The following STK39 variants were observed in gnomAD, a reference collection of about 807,000 sequenced individuals.
STK39 encodes STE20/SPS1-related proline-alanine-rich protein kinase.
In STK39, 20 loss-of-function variants were observed where a neutral mutation model predicts 77.8. The ratio of observed to expected loss-of-function variants is 0.26; its 90% CI spans 0.18 to 0.37. The LOEUF is 0.37. Among genes scored for constraint, STK39 ranks in the 10% least tolerant of loss-of-function variants. STK39 has a pLI of 1.00. For missense variants in STK39, 479 were observed against 656.5 expected (o/e 0.73, Z 2.95); for synonymous variants, 246 against 234.1 (o/e 1.05, Z -0.47).
intron 14 of STK39, among the ~76,000 whole-genome samples, chr2:168,021,743 T>C (rs1044880500): frequency 2.6e-5 from 4 of 152,024 alleles, no homozygotes; most frequent in African/African-American, 9.7e-5. Context: ...TTATAGCTCA[T>C]TGCACTGAAA....
intron 14 of STK39, among the ~76,000 whole-genome samples, chr2:168,037,079 TAA>T (rs759975199): frequency 6.6e-5 from 10 of 152,280 alleles, no homozygotes; most frequent in Middle Eastern, 3.4e-3. Context: ...TCTTTTAGAG[TAA>T]AAATAGAAAA....
At chr2:168,242,546 C>CAAAAAAAAAA (rs1186813675) in intron 1 of STK39, among the ~76,000 whole-genome samples, 2 of 17,542 alleles carry the variant, frequency 1.1e-4, no homozygotes, top group African/African-American at 3.9e-4. Context: ...AAGACTCTTA[C>CAAAAAAAAAA]AAAAAAAAAA....
intron 8 of STK39, among the ~76,000 whole-genome samples, chr2:168,133,350 A>G (rs1687749332): frequency 6.6e-6 from 1 of 152,260 alleles, no homozygotes; most frequent in African/African-American, 2.4e-5. Flanking sequence ...ACAATAAGGT[A>G]ACAAAATAGA....
intron 10 of STK39, among the ~76,000 whole-genome samples, chr2:168,121,131 C>T (rs1273541124): frequency 2.0e-5 from 3 of 152,190 alleles, no homozygotes; most frequent in East Asian, 1.9e-4. Context: ...CTGTCCTCTC[C>T]GTTCTCTTCT....
chr2:168,246,418 A>T (rs1008777756), intron 1 of STK39, among the ~76,000 whole-genome samples: 1 of 152,264 alleles, frequency 6.6e-6, no homozygotes, highest in Non-Finnish European at 1.5e-5. Flanking sequence ...CCAGAAGGCA[A>T]CGAAAGGCAG....
chr2:168,037,243 T>C (rs551807959), intron 14 of STK39, among the ~76,000 whole-genome samples: 1 of 152,352 alleles, frequency 6.6e-6, no homozygotes, highest in South Asian at 2.1e-4. Context: ...ATTCAATCAC[T>C]ACTTTCTAAT....
intron 1 of STK39, among the ~76,000 whole-genome samples, chr2:168,211,534 T>A (rs1689890750): frequency 6.6e-6 from 1 of 152,304 alleles, no homozygotes; most frequent in East Asian, 1.9e-4. Flanking sequence ...TCTAAACCAG[T>A]GAGTTCTGGG....
intron 14 of STK39, among the ~76,000 whole-genome samples, chr2:168,055,126 C>T: frequency 6.6e-6 from 1 of 152,186 alleles, no homozygotes; most frequent in East Asian, 1.9e-4. Flanking sequence ...TAACTGAACA[C>T]TATGCCTACA....
At chr2:167,978,373 C>T (rs1683335164) in intron 16 of STK39, among the ~76,000 whole-genome samples, 1 of 152,068 alleles carries the variant, frequency 6.6e-6, no homozygotes, top group East Asian at 1.9e-4. Context: ...AGGTTAATGG[C>T]CTACTCCCAG....
chr2:167,974,379 C>A lies in STK39; in HGVS notation c.1499-9653G>T, dbSNP rs141936576. On this transcript the variant is annotated intron_variant, in intron 16 of 17. Coordinates refer to ENST00000355999, the MANE Select transcript of STK39 (RefSeq NM_013233.3). ...TGAGCTTCAAAACGGTCTTTTCTGA[C>A]CTCTAACTTTGAGATGCTACAGAGG... is the stretch of plus-strand genomic sequence containing the variant. Among the ~76,000 whole-genome samples, 1,318 of 152,106 alleles carry A rather than the reference C, an allele frequency of 8.7e-3. 18 individuals carry two copies. Among genetic ancestry groups the A allele is most frequent in the African/African-American group, 0.03 (1,255 of 41,500 alleles).
intron 17 of STK39, chr2:167,964,319 A>C (rs1342163158): frequency 1.4e-5 from 3 of 211,398 alleles, no homozygotes; most frequent in African/African-American, 7.1e-5. Context: ...GGAAAGCTTT[A>C]TTAAGAGTGT....
chr2:168,104,699 G>C (rs1030211681), intron 10 of STK39, among the ~76,000 whole-genome samples: 1 of 152,194 alleles, frequency 6.6e-6, no homozygotes, highest in African/African-American at 2.4e-5. Flanking sequence ...TGATTGGTGA[G>C]TAGTAAGAGA....
At chr2:167,975,372 T>C (rs948247392) in intron 16 of STK39, among the ~76,000 whole-genome samples, 1 of 151,926 alleles carries the variant, frequency 6.6e-6, no homozygotes, top group African/African-American at 2.4e-5. Context: ...AGAATGTAGA[T>C]GATGGGGATG....
chr2:168,235,099 G>A (rs756670127), intron 1 of STK39, among the ~76,000 whole-genome samples: 11 of 150,500 alleles, frequency 7.3e-5, no homozygotes, highest in Non-Finnish European at 1.5e-4. Flanking sequence ...GTGCAGCGGC[G>A]TGATCTTGGC....
chr2:168,220,004 A>T lies in STK39; in HGVS notation c.208+27224T>A, dbSNP rs968345754. ...GCTATGAGGTACTGTCCAAGGAAAG[A>T]GATGGAGAGCCTTCCTTTGCTTGAG... On this transcript the variant is annotated intron_variant, in intron 1 of 17. Coordinates refer to ENST00000355999, the MANE Select transcript of STK39 (RefSeq NM_013233.3). Among the ~76,000 whole-genome samples, 7 of 152,204 alleles carry T rather than the reference A, an allele frequency of 4.6e-5. No individual in the cohort carries two copies. The East Asian group carries it at 1.2e-3, about 25-fold the overall frequency.
Position 168,001,519 on chromosome 2 carries a change from TAA to T in STK39, c.1498+11113_1498+11114del, listed in dbSNP as rs61249572. 5.4e-4 allele frequency among the ~76,000 whole-genome samples: 82 copies of T among 150,474 alleles called. No individual in the cohort carries two copies. In the East Asian group the frequency reaches 7.0e-3, roughly 13 times the overall value. ...GATTGGCAAGAAAGTCCTCTTTTTT[TAA>T]AAAAAAAAATGATAACCTAATATAA... On this transcript the variant is annotated intron_variant, in intron 16 of 17. Coordinates refer to ENST00000355999, the MANE Select transcript of STK39 (RefSeq NM_013233.3).
chr2:168,044,116 T>G (rs1486946053), intron 14 of STK39, among the ~76,000 whole-genome samples: 1 of 152,190 alleles, frequency 6.6e-6, no homozygotes. Flanking sequence ...TGGCTCCTTT[T>G]TTTCATGAAG....
chr2:168,060,743 TATG>T (rs1035031993), intron 14 of STK39, among the ~76,000 whole-genome samples: 2 of 152,244 alleles, frequency 1.3e-5, no homozygotes, highest in Non-Finnish European at 2.9e-5. Context: ...TAGATCCCTT[TATG>T]ATATCCTTTG....
intron 12 of STK39, among the ~76,000 whole-genome samples, chr2:168,071,510 A>G (rs1685939414): frequency 6.6e-6 from 1 of 152,170 alleles, no homozygotes; most frequent in Admixed American, 6.5e-5. Flanking sequence ...TTTCACTCTC[A>G]AAGATGTTTA....
Sources: allele counts gnomAD v4.1 joint callset (sites outside exome capture counted in the v4.1 genomes callset), GRCh38; gene constraint gnomAD v4.1.1; transcripts MANE v1.5; gene names NCBI Gene and HGNC (gene_info 2026-07-23, HGNC 2026-07-21).